Variants in ANKS1B observed in about 807,000 individuals in gnomAD.
ANKS1B encodes the protein ankyrin repeat and sterile alpha motif domain containing 1B.
A neutral mutation model predicts 148.3 loss-of-function variants in ANKS1B; 36 were observed. That is an observed-to-expected ratio of 0.24 (90% CI 0.19 to 0.32). ANKS1B has a LOEUF of 0.32. Among genes scored for constraint, ANKS1B ranks in the 10% least tolerant of loss-of-function variants. The pLI, the probability that ANKS1B is intolerant of heterozygous loss-of-function variation, is 1.00. For synonymous variants in ANKS1B, 542 were observed against 560.8 expected, an observed-to-expected ratio of 0.97 and a Z score of 0.47; for missense variants, 1,157 against 1,542.6, an observed-to-expected ratio of 0.75 and a Z score of 4.19.
At chr12:99,058,918 T>C (rs1250688712) in intron 16 of ANKS1B, among the ~76,000 whole-genome samples, 1 of 151,178 alleles carries the variant, frequency 6.6e-6, no homozygotes, top group East Asian at 2.0e-4. Flanking sequence ...TTTGTATTTT[T>C]AGTAGAGACG....
At chr12:99,787,155 C>T (rs960371966) in intron 4 of ANKS1B, among the ~76,000 whole-genome samples, 6 of 152,150 alleles carry the variant, frequency 3.9e-5, no homozygotes, top group African/African-American at 1.4e-4. Context: ...TTGGCTATGT[C>T]CCCATCCAAA....
chr12:99,176,185 C>T lies in ANKS1B; in HGVS notation c.2420-21790G>A, dbSNP rs143369650. Among the ~76,000 whole-genome samples, 1,006 of 152,192 alleles carry T rather than the reference C, an allele frequency of 6.6e-3. 2 individuals carry two copies. The highest frequency in any genetic ancestry group is 0.011 in the Non-Finnish European group (738 of 67,994). On this transcript the variant is annotated intron_variant, in intron 14 of 26. Coordinates refer to ENST00000683438, the MANE Select transcript of ANKS1B (RefSeq NM_001352186.2). ...TTTTTAGGTGGGAAGAAACATCAGA[C>T]ACAGGTGAGAGACCAGGAAGTGGGT...
intron 17 of ANKS1B, among the ~76,000 whole-genome samples, chr12:98,858,119 C>T (rs531438358): frequency 3.5e-4 from 54 of 152,230 alleles, no homozygotes; most frequent in Admixed American, 2.5e-3. Context: ...CCTCCTCCTC[C>T]GCCCCCATCC....
chr12:99,820,506 G>A (rs949489970), intron 2 of ANKS1B, among the ~76,000 whole-genome samples: 7 of 151,932 alleles, frequency 4.6e-5, no homozygotes, highest in African/African-American at 1.7e-4. Context: ...AAAAAATCTA[G>A]AGCAGATGGA....
chr12:98,917,607 T>C (rs555133958), intron 17 of ANKS1B, among the ~76,000 whole-genome samples: 1 of 152,350 alleles, frequency 6.6e-6, no homozygotes, highest in South Asian at 2.1e-4. Flanking sequence ...CTTTTTATTT[T>C]GTATCAGCTG....
At chr12:99,011,428 A>C (rs1337209860) in intron 17 of ANKS1B, among the ~76,000 whole-genome samples, 1 of 152,212 alleles carries the variant, frequency 6.6e-6, no homozygotes, top group Non-Finnish European at 1.5e-5. Flanking sequence ...TGATACTCAA[A>C]CACTTGCTAG....
intron 8 of ANKS1B, among the ~76,000 whole-genome samples, chr12:99,708,633 T>C (rs1398048144): frequency 6.6e-6 from 1 of 152,082 alleles, no homozygotes; most frequent in Non-Finnish European, 1.5e-5. Flanking sequence ...AAGCCAACAG[T>C]TTAGTATCTT....
At chr12:99,546,527 G>T (rs190423942) in intron 9 of ANKS1B, among the ~76,000 whole-genome samples, 35 of 152,204 alleles carry the variant, frequency 2.3e-4, no homozygotes, top group African/African-American at 7.5e-4. Context: ...TCAGTAGAGG[G>T]ATCAATAATT....
chr12:99,084,854 C>A, intron 16 of ANKS1B, 71 bp downstream of exon 16: 1 of 1,212,374 alleles, frequency 8.2e-7, no homozygotes. Flanking sequence ...AATACAAATA[C>A]TCCTTGCATG....
chr12:99,209,090 A>C (rs1370780801), intron 14 of ANKS1B, among the ~76,000 whole-genome samples: 1 of 152,182 alleles, frequency 6.6e-6, no homozygotes, highest in Admixed American at 6.5e-5. Context: ...CTGAGAATGC[A>C]CATAGAATGA....
intron 10 of ANKS1B, among the ~76,000 whole-genome samples, chr12:99,453,740 G>A (rs375173438): frequency 6.6e-5 from 10 of 152,234 alleles, no homozygotes; most frequent in African/African-American, 2.2e-4. Context: ...TTTGGTTAAC[G>A]TTTATAACAT....
At chr12:98,947,857 A>G (rs2099847779) in intron 17 of ANKS1B, among the ~76,000 whole-genome samples, 1 of 152,126 alleles carries the variant, frequency 6.6e-6, no homozygotes, top group South Asian at 2.1e-4. Flanking sequence ...TGGACTCAGC[A>G]TCTGTACATG....
At chr12:98,770,862 C>T (rs756989977) in intron 25 of ANKS1B, among the ~76,000 whole-genome samples, 16 of 152,250 alleles carry the variant, frequency 1.1e-4, no homozygotes, top group East Asian at 1.9e-4. Context: ...TGGCCTCTCA[C>T]GAATATATGA....
At chr12:99,152,104 TTAAC>T (rs1428428331) in intron 15 of ANKS1B, among the ~76,000 whole-genome samples, 34 of 152,186 alleles carry the variant, frequency 2.2e-4, no homozygotes, top group African/African-American at 8.2e-4. Context: ...ATTCATGTGT[TTAAC>T]TAAGTTTGCA....
In ANKS1B at chr12:99,084,997, A is replaced by G. The variant is rs768978108; in HGVS notation, c.2553T>C (p.Asp851=). 25 of 1,609,760 alleles carry G rather than the reference A, an allele frequency of 1.6e-5. No individual in the cohort carries two copies. The Admixed American group carries it at 4.0e-4, about 26-fold the overall frequency. ...AATTAAGGATTCCAATTTCCAACAA[A>G]TCCTGATCTTCCATAACATTGCTTC... ...FMGSNVMEDQ[D]LLEIGILNSG... is the part of the protein sequence containing the mutation. The change falls in exon 16 of 27, where the codon GAT becomes GAC. Residue 851 remains aspartate, a synonymous_variant. Transcript: ENST00000683438.
intron 1 of ANKS1B, among the ~76,000 whole-genome samples, chr12:99,883,405 TAAACATA>T (rs1280761063): frequency 2.0e-5 from 3 of 152,218 alleles, no homozygotes; most frequent in East Asian, 1.9e-4. Flanking sequence ...AACATAGACA[TAAACATA>T]AAACATAAAA....
chr12:99,041,999 C>T (rs927440686), intron 17 of ANKS1B, among the ~76,000 whole-genome samples: 5 of 151,756 alleles, frequency 3.3e-5, no homozygotes, highest in Non-Finnish European at 7.4e-5. Flanking sequence ...GACCCTGTCT[C>T]GAAACAACAA....
chr12:99,461,890 G>T (rs547354667), intron 10 of ANKS1B, among the ~76,000 whole-genome samples: 12 of 152,246 alleles, frequency 7.9e-5, no homozygotes, highest in African/African-American at 2.9e-4. Context: ...TCATTCTGTG[G>T]ATACAATGTC....
At chr12:99,731,494 G>T (rs1471679939) in intron 8 of ANKS1B, among the ~76,000 whole-genome samples, 1 of 151,632 alleles carries the variant, frequency 6.6e-6, no homozygotes, top group Non-Finnish European at 1.5e-5. Context: ...TGGAGAAAGA[G>T]TCTGCTGAGC....
Sources: gnomAD v4.1 joint callset for allele counts (sites outside exome capture counted in the v4.1 genomes callset) on GRCh38, gnomAD v4.1.1 for gene constraint, MANE v1.5 for transcripts, NCBI Gene and HGNC (gene_info 2026-07-23, HGNC 2026-07-21) for gene names.